The following NSD1 variants were observed in gnomAD, a reference collection of about 807,000 sequenced individuals.
The protein encoded by NSD1 is nuclear receptor binding SET domain protein 1.
NSD1 carries 26 observed loss-of-function variants against 242.7 expected under a neutral mutation model. The observed-to-expected ratio is 0.11, with a 90% CI of 0.08 to 0.15. The LOEUF (loss-of-function observed/expected upper bound fraction) is 0.15. Ranked by LOEUF, NSD1 falls within the 10% of genes least tolerant of loss-of-function variation. NSD1 has a pLI of 1.00. For missense variants in NSD1, 2,495 were observed against 3,272.8 expected, an observed-to-expected ratio of 0.76 and a Z score of 5.80; for synonymous variants, 1,106 against 1,178.1, an observed-to-expected ratio of 0.94 and a Z score of 1.25.
chr5:177,184,463 AAT>A (rs1307703597), intron 2 of NSD1, among the ~76,000 whole-genome samples: 1 of 151,838 alleles, frequency 6.6e-6, no homozygotes, highest in Non-Finnish European at 1.5e-5. Flanking sequence ...GGAAAACTTT[AAT>A]TTGATTGTTA....
chr5:177,204,014 GTT>G, intron 3 of NSD1, 104 bp from the exon 4 acceptor site: 1 of 1,104,300 alleles, frequency 9.1e-7, no homozygotes, highest in Non-Finnish European at 1.4e-6. Context: ...GGGCATGTTA[GTT>G]GTTTCCAGAC....
intron 2 of NSD1, among the ~76,000 whole-genome samples, chr5:177,177,136 T>C (rs1760271185): frequency 6.6e-6 from 1 of 152,202 alleles, no homozygotes; most frequent in South Asian, 2.1e-4. Flanking sequence ...GCAGTGTTTT[T>C]AAGTGCTGGG....
chr5:177,278,268 C>T (rs534863436), intron 17 of NSD1, among the ~76,000 whole-genome samples: 7 of 152,188 alleles, frequency 4.6e-5, no homozygotes, highest in East Asian at 3.9e-4. Flanking sequence ...CCACCATGCC[C>T]GGCTAAGCTT....
chr5:177,273,464 G>T (rs1758108781), intron 16 of NSD1, among the ~76,000 whole-genome samples: 1 of 152,014 alleles, frequency 6.6e-6, no homozygotes, highest in South Asian at 2.1e-4. Flanking sequence ...ATTATGTTTT[G>T]TCTTAATACT....
At chr5:177,147,246 C>T (rs980721621) in intron 2 of NSD1, among the ~76,000 whole-genome samples, 1 of 151,990 alleles carries the variant, frequency 6.6e-6, no homozygotes, top group Non-Finnish European at 1.5e-5. Flanking sequence ...GCTGCGACTA[C>T]AGGCACTTGC....
chr5:177,155,561 CTTTTTTTTTT>C (rs58025377), intron 2 of NSD1, among the ~76,000 whole-genome samples: 2 of 96,608 alleles, frequency 2.1e-5, no homozygotes, highest in Non-Finnish European at 4.5e-5. Context: ...ACCGCACTGG[CTTTTTTTTTT>C]TTTTTTTTTT....
intron 9 of NSD1, among the ~76,000 whole-genome samples, chr5:177,245,632 C>CTTTT (rs540362237): frequency 7.4e-6 from 1 of 134,652 alleles, no homozygotes; most frequent in Non-Finnish European, 1.6e-5. Flanking sequence ...GAATTTCTTT[C>CTTTT]TTTTTTTTTT....
At chr5:177,257,696 G>C (rs1370690567) in intron 13 of NSD1, among the ~76,000 whole-genome samples, 1 of 152,168 alleles carries the variant, frequency 6.6e-6, no homozygotes. Context: ...CAATGTGGTC[G>C]TGTGGTAGGG....
rs1378698066 is a variant in NSD1 at position 177,181,433 on chromosome 5, T to TG, written c.928-10451_928-10450insG. Among the ~76,000 whole-genome samples the TG allele has an allele frequency of 6.2e-5, 9 of 144,958 alleles. No individual in the cohort carries two copies. The East Asian group carries it at 1.2e-3, about 20-fold the overall frequency. The stretch of plus-strand genomic sequence containing the variant: ...CATTATGGGTTTTTTTTTGGTTTTT[T>TG]TTTTTTTTTTTTGGCAGGTTCTCAC... On this transcript the variant is annotated intron_variant, in intron 2 of 22. Transcript: ENST00000439151.
intron 2 of NSD1, among the ~76,000 whole-genome samples, chr5:177,151,249 G>A (rs995246884): frequency 1.3e-5 from 2 of 152,138 alleles, no homozygotes; most frequent in East Asian, 3.9e-4. Flanking sequence ...GATGGCGGGT[G>A]CCTGTAGTCC....
At chr5:177,184,770 G>C (rs575916435) in intron 2 of NSD1, among the ~76,000 whole-genome samples, 1 of 152,092 alleles carries the variant, frequency 6.6e-6, no homozygotes, top group Admixed American at 6.6e-5. Flanking sequence ...TCCTGGCCTC[G>C]AGCGATCACC....
At chr5:177,196,594 G>A (rs1034076715) in intron 3 of NSD1, among the ~76,000 whole-genome samples, 10 of 152,208 alleles carry the variant, frequency 6.6e-5, no homozygotes, top group African/African-American at 2.4e-4. Context: ...TGGCTGAATA[G>A]ATCGTCATTT....
At chr5:177,216,954 T>A (rs1273305726) in intron 5 of NSD1, among the ~76,000 whole-genome samples, 1 of 151,990 alleles carries the variant, frequency 6.6e-6, no homozygotes, top group Non-Finnish European at 1.5e-5. Flanking sequence ...TTCAGTTTTT[T>A]TTTTTTTTCT....
At chr5:177,247,565 TAAAA>T (rs397881704) in intron 10 of NSD1, among the ~76,000 whole-genome samples, 2 of 133,530 alleles carry the variant, frequency 1.5e-5, no homozygotes, top group African/African-American at 2.7e-5. Context: ...TGTCTCTACT[TAAAA>T]AAAAAAAAAA....
At chr5:177,212,505 A>AT (rs893033943) in intron 5 of NSD1, among the ~76,000 whole-genome samples, 94 of 72,534 alleles carry the variant, frequency 1.3e-3, no homozygotes, top group East Asian at 6.5e-3. Flanking sequence ...TTTTTTTCTA[A>AT]TTTTTTTTTT....
chr5:177,202,074 G>A (rs373896463), intron 3 of NSD1, among the ~76,000 whole-genome samples: 7 of 151,640 alleles, frequency 4.6e-5, no homozygotes, highest in Admixed American at 6.6e-5. Context: ...AGGCTGAGGC[G>A]GGAGAATCGC....
Position 177,249,489 on chromosome 5 carries a change from C to T in NSD1, c.4641+1165C>T, listed in dbSNP as rs140168923. On this transcript the variant is annotated intron_variant, in intron 11 of 22. Transcript: ENST00000439151. ...TTTATTTATTTATTTATTTTTGAGA[C>T]GAAGTCTCGCTCTGTCGGCCAGGCT... Among the ~76,000 whole-genome samples the T allele has an allele frequency of 3.5e-3, 528 of 151,642 alleles. 17 individuals carry two copies. In the East Asian group the frequency reaches 0.061, roughly 18 times the overall value.
intron 2 of NSD1, among the ~76,000 whole-genome samples, chr5:177,190,179 A>G (rs1761551318): frequency 6.6e-6 from 1 of 151,560 alleles, no homozygotes; most frequent in African/African-American, 2.4e-5. Flanking sequence ...CTGATCTCAG[A>G]CTCCTAGGCT....
intron 2 of NSD1, among the ~76,000 whole-genome samples, chr5:177,147,094 T>C (rs939065490): frequency 6.6e-6 from 1 of 152,032 alleles, no homozygotes; most frequent in Admixed American, 6.6e-5. Context: ...TCCATCGTCT[T>C]CTTGGCAACC....
Sources: allele counts gnomAD v4.1 joint callset (sites outside exome capture counted in the v4.1 genomes callset), GRCh38; gene constraint gnomAD v4.1.1; transcripts MANE v1.5; gene names NCBI Gene and HGNC (gene_info 2026-07-23, HGNC 2026-07-21).